PTGER3: variants seen among roughly 807,000 people sequenced by gnomAD.
PTGER3 encodes the protein prostaglandin E receptor 3.
In PTGER3, 22 loss-of-function variants were observed where a neutral mutation model predicts 34.7. The ratio of observed to expected loss-of-function variants is 0.63; its 90% confidence interval spans 0.45 to 0.91. PTGER3 has a LOEUF of 0.91. PTGER3 is among the 40% of genes least tolerant of loss of function. The pLI is 0.00. For missense variants in PTGER3, 468 were observed against 519.4 expected (o/e 0.90, Z 0.96); for synonymous variants, 241 against 230.1 (o/e 1.05, Z -0.43).
intron 4 of PTGER3, among the ~76,000 whole-genome samples, chr1:70,872,468 C>T (rs978727650): frequency 6.6e-5 from 10 of 152,236 alleles, no homozygotes; most frequent in African/African-American, 1.9e-4. Flanking sequence ...TGACTATGTT[C>T]CAGGTACTGG....
At chr1:71,006,723 T>C in intron 2 of PTGER3, 2 of 985,242 alleles carry the variant, frequency 2.0e-6, no homozygotes, top group Non-Finnish European at 2.4e-6. Context: ...TTTTTCCAGA[T>C]AGCATGGGGC....
chr1:70,971,612 AG>A lies in PTGER3; in HGVS notation c.*117del, dbSNP rs1455398615. 2.2e-6 allele frequency: 3 copies of A among 1,386,306 alleles called. No individual in the cohort carries two copies. Among genetic ancestry groups the A allele is most frequent in the African/African-American group, 3.0e-5 (2 of 66,066 alleles). The allele number at this position is 1,386,306 out of a possible 1,614,324, so 85.9% of individuals were successfully genotyped here. ...TGACAAAACAATCATTAAAATAAAA[AG>A]ATAAAAATGAAGAAATAATCCAAAT... On this transcript the variant is annotated 3_prime_UTR_variant, in exon 4 of 4. Transcript: ENST00000306666.
chr1:70,925,904 A>G lies in PTGER3; in HGVS notation c.*23+27859T>C, dbSNP rs576474374. Among the ~76,000 whole-genome samples, 3 of 152,250 alleles carry G rather than the reference A, an allele frequency of 2.0e-5. No homozygotes were observed. In the South Asian group the frequency reaches 6.2e-4, roughly 32 times the overall value. On this transcript the variant is annotated intron_variant, in intron 4 of 4. Coordinates refer to the PTGER3 transcript ENST00000370931. ...TATGTTACATTCTTTAGTGAATATT[A>G]AATATTGCACTAAAAAAGAGTGAAT... is the stretch of plus-strand genomic sequence containing the variant.
chr1:70,919,543 T>C (rs1647328618), intron 4 of PTGER3, among the ~76,000 whole-genome samples: 1 of 152,220 alleles, frequency 6.6e-6, no homozygotes, highest in African/African-American at 2.4e-5. Flanking sequence ...TCTACTTGTA[T>C]GTATTTAAAT....
rs569112854 is a variant in PTGER3 at position 71,032,400 on chromosome 1, TCTATGATGTCTA to T, written c.897+14269_897+14280del. ...TTATAAAACAAAACAATAGAAAAAA[TCTATGATGTCTA>T]AACAGTGCTTCAAGATGATGTATTC... On this transcript the variant is annotated intron_variant, in intron 1 of 3. Transcript: ENST00000306666. 1.4e-3 allele frequency among the ~76,000 whole-genome samples: 214 copies of T among 152,312 alleles called. 1 individual carries two copies. In the Middle Eastern group the frequency reaches 0.017, roughly 12 times the overall value.
chr1:70,911,628 C>T (rs1017557690), intron 4 of PTGER3, among the ~76,000 whole-genome samples: 5 of 151,816 alleles, frequency 3.3e-5, no homozygotes, highest in Admixed American at 1.3e-4. Flanking sequence ...CAGAAAGTGA[C>T]GACATTTTTT....
At chr1:70,921,801 G>C (rs1647557126) in intron 4 of PTGER3, among the ~76,000 whole-genome samples, 1 of 152,026 alleles carries the variant, frequency 6.6e-6, no homozygotes, top group African/African-American at 2.4e-5. Context: ...TTAATTCCTG[G>C]CTTGGAAAAT....
chr1:70,889,991 G>A (rs1646581456), intron 4 of PTGER3, among the ~76,000 whole-genome samples: 1 of 151,920 alleles, frequency 6.6e-6, no homozygotes, highest in Non-Finnish European at 1.5e-5. Context: ...TTTAACTGAA[G>A]TACATTAAAC....
intron 1 of PTGER3, among the ~76,000 whole-genome samples, chr1:71,016,660 G>A (rs143819175): frequency 4.0e-4 from 61 of 151,938 alleles, no homozygotes; most frequent in African/African-American, 1.4e-3. Flanking sequence ...AAAATTAGCC[G>A]GGCATGATGG....
chr1:70,885,886 G>T (rs780087495), intron 4 of PTGER3, among the ~76,000 whole-genome samples: 15 of 152,182 alleles, frequency 9.9e-5, no homozygotes, highest in African/African-American at 3.1e-4. Flanking sequence ...TTTCAAAGGG[G>T]ATATTCTTGC....
intron 4 of PTGER3, among the ~76,000 whole-genome samples, chr1:70,903,719 A>G (rs964043010): frequency 6.6e-6 from 1 of 152,180 alleles, no homozygotes; most frequent in African/African-American, 2.4e-5. Context: ...AAACCAGAGG[A>G]GGAGGGAAAA....
chr1:70,864,469 A>G (rs1340362064), intron 4 of PTGER3, among the ~76,000 whole-genome samples: 2 of 152,172 alleles, frequency 1.3e-5, no homozygotes, highest in African/African-American at 4.8e-5. Flanking sequence ...AACACGGAGG[A>G]CATTGGAAAG....
intron 1 of PTGER3, among the ~76,000 whole-genome samples, chr1:71,013,426 G>C (rs1657620529): frequency 6.6e-6 from 1 of 152,204 alleles, no homozygotes. Context: ...GTTCAGGCCA[G>C]GTGTGGTGGC....
intron 4 of PTGER3, among the ~76,000 whole-genome samples, chr1:70,935,711 T>C (rs925576890): frequency 4.1e-5 from 6 of 146,748 alleles, no homozygotes; most frequent in Admixed American, 4.0e-4. Flanking sequence ...CTTTCTGCCT[T>C]TTAAGCATTC....
chr1:70,987,850 T>C (rs1449985792), intron 2 of PTGER3, among the ~76,000 whole-genome samples: 1 of 152,222 alleles, frequency 6.6e-6, no homozygotes, highest in Non-Finnish European at 1.5e-5. Flanking sequence ...GTCAATTCAA[T>C]TTAGCACTCA....
chr1:70,996,810 C>T (rs1656017048), intron 2 of PTGER3, among the ~76,000 whole-genome samples: 1 of 152,060 alleles, frequency 6.6e-6, no homozygotes, highest in Non-Finnish European at 1.5e-5. Flanking sequence ...ACTACAGGCG[C>T]CCGCCACCGC....
intron 4 of PTGER3, among the ~76,000 whole-genome samples, chr1:70,942,429 A>G (rs1269833160): frequency 2.0e-5 from 3 of 152,072 alleles, no homozygotes; most frequent in Non-Finnish European, 4.4e-5. Flanking sequence ...TACCTTTCCA[A>G]CTTCATGTTT....
chr1:70,852,487 C>T (rs971427358), exon 5 of PTGER3: 15 of 319,706 alleles, frequency 4.7e-5, no homozygotes, highest in Middle Eastern at 9.2e-4. Flanking sequence ...TACTCTATAG[C>T]GGTTAAAATT....
At position 70,991,901 on chromosome 1, in the gene PTGER3, T is replaced by C. The variant is rs116669323; in HGVS notation, c.1078-17513A>G. Among the ~76,000 whole-genome samples the C allele has an allele frequency of 4.3e-3, 656 of 152,284 alleles. 6 individuals carry two copies. The highest frequency in any genetic ancestry group is 0.015 in the African/African-American group (628 of 41,536). On this transcript the variant is annotated intron_variant, in intron 2 of 3. Transcript: ENST00000306666. ...CTCAAAGAAATGAAAATTCTTAGAT[T>C]ATAGGTCTTATGGTGGATCCTATAA... is the stretch of plus-strand genomic sequence containing the variant.
Sources: allele counts gnomAD v4.1 joint callset (sites outside exome capture counted in the v4.1 genomes callset), GRCh38; gene constraint gnomAD v4.1.1; transcripts MANE v1.5; gene names NCBI Gene and HGNC (gene_info 2026-07-23, HGNC 2026-07-21).